Variants in AUTS2 observed in about 807,000 individuals in gnomAD.
AUTS2 encodes activator of transcription and developmental regulator AUTS2, also known as autism susceptibility gene 2 protein.
A neutral mutation model predicts 112.4 loss-of-function variants in AUTS2; 17 were observed. The observed-to-expected ratio is 0.15, with a 90% CI of 0.10 to 0.23. AUTS2 has a LOEUF of 0.23. Among genes scored for constraint, AUTS2 ranks in the 10% least tolerant of loss-of-function variants. The pLI is 1.00. For missense variants in AUTS2, 1,510 were observed against 1,701.6 expected (o/e 0.89, Z 1.98); for synonymous variants, 751 against 702.7 (o/e 1.07, Z -1.09).
chr7:70,390,374 ACT>A (rs1333982622), intron 4 of AUTS2, among the ~76,000 whole-genome samples: 3 of 152,064 alleles, frequency 2.0e-5, no homozygotes, highest in Non-Finnish European at 4.4e-5. Context: ...CAAGGACAAC[ACT>A]CTGAGGAACA....
At chr7:70,772,273 C>T (rs1336963038) in intron 11 of AUTS2, among the ~76,000 whole-genome samples, 3 of 152,204 alleles carry the variant, frequency 2.0e-5, no homozygotes, top group African/African-American at 7.2e-5. Flanking sequence ...TTACTAACAT[C>T]CTAGTGTGAA....
intron 5 of AUTS2, among the ~76,000 whole-genome samples, chr7:70,536,051 G>A (rs1563024061): frequency 1.3e-5 from 2 of 152,142 alleles, no homozygotes; most frequent in South Asian, 2.1e-4. Flanking sequence ...TTAAGAGGCC[G>A]GCACGGTGGC....
intron 4 of AUTS2, among the ~76,000 whole-genome samples, chr7:70,355,625 C>A (rs575517949): frequency 6.6e-6 from 1 of 152,106 alleles, no homozygotes; most frequent in East Asian, 1.9e-4. Flanking sequence ...ACTTCTGACA[C>A]GAGGCAGGTC....
At chr7:70,290,265 A>G in intron 4 of AUTS2, 1 of 1,204,862 alleles carries the variant, frequency 8.3e-7, no homozygotes, top group Non-Finnish European at 1.1e-6. Flanking sequence ...AATTTTATAA[A>G]ACAAATTACC....
intron 4 of AUTS2, among the ~76,000 whole-genome samples, chr7:70,418,075 C>CTG (rs34869843): frequency 0.11 from 15,600 of 136,356 alleles, 832 homozygotes; most frequent in South Asian, 0.16. Context: ...GGCTAACTTT[C>CTG]TGTGTGTGTG....
chr7:70,158,719 CATGG>C (rs561375488), intron 4 of AUTS2, among the ~76,000 whole-genome samples: 46 of 151,920 alleles, frequency 3.0e-4, no homozygotes, highest in African/African-American at 1.1e-3. Flanking sequence ...CCATGCAGTC[CATGG>C]ATCAGAACTC....
chr7:70,401,799 G>A (rs961022148), intron 4 of AUTS2, among the ~76,000 whole-genome samples: 6 of 152,214 alleles, frequency 3.9e-5, no homozygotes, highest in South Asian at 2.1e-4. Context: ...TTCCACCAGC[G>A]TGATTTTGTG....
At chr7:69,876,349 A>AAAAAAAT (rs1554396465) in intron 1 of AUTS2, among the ~76,000 whole-genome samples, 1 of 29,494 alleles carries the variant, frequency 3.4e-5, no homozygotes. Context: ...AAAAAAAAAA[A>AAAAAAAT]ATATATATAT....
rs143122279 is a variant in AUTS2 at position 70,394,816 on chromosome 7, G to A, written c.661-40936G>A. Among the ~76,000 whole-genome samples the A allele has an allele frequency of 4.1e-3, 620 of 151,374 alleles. 5 individuals carry two copies. Among genetic ancestry groups the A allele is most frequent in the Non-Finnish European group, 6.9e-3 (469 of 67,814 alleles). ...CTATTAGCCACGTGTTGTGGCTCAC[G>A]CCTGTAATCCCAATGCTTTGGGAGG... On this transcript the variant is annotated intron_variant, in intron 4 of 18. Transcript: ENST00000342771.
intron 1 of AUTS2, among the ~76,000 whole-genome samples, chr7:69,764,610 G>A (rs753813475): frequency 8.5e-5 from 13 of 152,088 alleles, no homozygotes; most frequent in Non-Finnish European, 1.9e-4. Flanking sequence ...CAAAGAAGTA[G>A]TACCTTGGCA....
At chr7:70,143,890 G>A (rs1454956233) in intron 4 of AUTS2, among the ~76,000 whole-genome samples, 3 of 152,124 alleles carry the variant, frequency 2.0e-5, no homozygotes, top group African/African-American at 7.2e-5. Context: ...AATGCAGCAA[G>A]GCATAACAGC....
intron 6 of AUTS2, among the ~76,000 whole-genome samples, chr7:70,749,270 G>C (rs998131301): frequency 1.3e-5 from 2 of 152,162 alleles, no homozygotes; most frequent in Non-Finnish European, 2.9e-5. Flanking sequence ...CAGCAGTGGG[G>C]CTTGCTGAGG....
At chr7:70,449,027 C>G (rs527418419) in intron 5 of AUTS2, among the ~76,000 whole-genome samples, 3 of 152,270 alleles carry the variant, frequency 2.0e-5, no homozygotes, top group African/African-American at 7.2e-5. Flanking sequence ...CTTTTAAAGA[C>G]TCTTTTTGTT....
chr7:70,589,659 A>G (rs1802846548), intron 5 of AUTS2, among the ~76,000 whole-genome samples: 1 of 152,228 alleles, frequency 6.6e-6, no homozygotes, highest in Non-Finnish European at 1.5e-5. Flanking sequence ...GGTTGCAGTG[A>G]GCCGAGATTA....
chr7:70,519,741 C>G (rs991497960), intron 5 of AUTS2, among the ~76,000 whole-genome samples: 3 of 152,058 alleles, frequency 2.0e-5, no homozygotes, highest in African/African-American at 7.2e-5. Context: ...TTGTGACTTG[C>G]CTGAGGACAC....
chr7:69,968,697 T>C (rs1394888234), intron 2 of AUTS2, among the ~76,000 whole-genome samples: 2 of 152,170 alleles, frequency 1.3e-5, no homozygotes, highest in African/African-American at 4.8e-5. Context: ...GCTGAGGCTC[T>C]ATAGAATGGA....
At chr7:70,649,500 T>TTTTATTTATTTATTTA (rs80256360) in intron 5 of AUTS2, among the ~76,000 whole-genome samples, 3 of 143,812 alleles carry the variant, frequency 2.1e-5, no homozygotes, top group Non-Finnish European at 4.6e-5. Flanking sequence ...TGGTGATTTA[T>TTTTATTTATTTATTTA]TTTATTTATT....
At chr7:69,821,800 A>C (rs544475850) in intron 1 of AUTS2, among the ~76,000 whole-genome samples, 46 of 152,028 alleles carry the variant, frequency 3.0e-4, no homozygotes, top group African/African-American at 1.1e-3. Flanking sequence ...GACACAGTCC[A>C]AGCTACTCCA....
At chr7:70,078,392 G>A (rs1023717498) in intron 2 of AUTS2, among the ~76,000 whole-genome samples, 2 of 152,108 alleles carry the variant, frequency 1.3e-5, no homozygotes, top group Non-Finnish European at 2.9e-5. Flanking sequence ...ATGTATTGAC[G>A]AATTGTTTAT....
Sources: allele counts gnomAD v4.1 joint callset (sites outside exome capture counted in the v4.1 genomes callset), GRCh38; gene constraint gnomAD v4.1.1; transcripts MANE v1.5; gene names NCBI Gene and HGNC (gene_info 2026-07-23, HGNC 2026-07-21).